Variants in MARCHF1 observed in about 807,000 individuals in gnomAD.
MARCHF1 encodes membrane associated ring-CH-type finger 1, also known as E3 ubiquitin-protein ligase MARCHF1.
In MARCHF1, 40 loss-of-function variants were observed where a neutral mutation model predicts 54.2. The observed-to-expected ratio is 0.74, with a 90% CI of 0.57 to 0.96. The LOEUF is 0.96. MARCHF1 is among the 40% of genes least tolerant of loss of function. The probability of loss-of-function intolerance (pLI) is 0.00; values close to 1 mark genes in which losing one functional copy is unlikely to be tolerated. For missense variants in MARCHF1, 586 were observed against 656.5 expected (o/e 0.89, Z 1.17); for synonymous variants, 236 against 236.3 (o/e 1.00, Z 0.01).
rs540620128 is a variant in MARCHF1, at chr4:164,301,474, A to G, written c.-323+82396T>C. ...AAACACACTGAATTTTACAGGAAGA[A>G]AAAGAAGTTAAAATGTCAACCAAAT... On this transcript the variant is annotated intron_variant, in intron 1 of 9. Coordinates refer to ENST00000514618, the MANE Select transcript of MARCHF1 (RefSeq NM_001394959.1). Among the ~76,000 whole-genome samples, 9 of 152,304 alleles carry G rather than the reference A, an allele frequency of 5.9e-5. 1 individual carries two copies. In the South Asian group the frequency reaches 1.9e-3, roughly 32 times the overall value.
intron 3 of MARCHF1, among the ~76,000 whole-genome samples, chr4:163,900,905 T>C (rs1750925703): frequency 6.6e-6 from 1 of 152,204 alleles, no homozygotes; most frequent in Admixed American, 6.5e-5. Flanking sequence ...ATTAACATTT[T>C]ATATGAAGAA....
Position 164,284,630 on chromosome 4 carries a change from T to C in MARCHF1, c.-323+99240A>G, listed in dbSNP as rs1734102374. Among the ~76,000 whole-genome samples the C allele has an allele frequency of 2.0e-5, 3 of 150,960 alleles. No individual in the cohort carries two copies. In the South Asian group the frequency reaches 6.3e-4, roughly 32 times the overall value. ...AGACACAAAACTAAGAAGAGACTGGTCTTAGTCTTGATTTCTAGGTTGTTC... is the reference window on the plus strand; with the variant it reads ...AGACACAAAACTAAGAAGAGACTGGCCTTAGTCTTGATTTCTAGGTTGTTC... On this transcript the variant is annotated intron_variant, in intron 1 of 9. Transcript: ENST00000514618.
chr4:163,831,688 T>C (rs954605275), intron 4 of MARCHF1, among the ~76,000 whole-genome samples: 4 of 152,124 alleles, frequency 2.6e-5, no homozygotes, highest in Non-Finnish European at 5.9e-5. Context: ...AAAAGCCAAA[T>C]TGCCAAATCA....
chr4:164,055,218 T>G (rs1452199789), intron 2 of MARCHF1: 3 of 152,052 alleles, frequency 2.0e-5, no homozygotes, highest in Non-Finnish European at 2.9e-5. Flanking sequence ...CTGAGGTAGG[T>G]GGATCGCTTG....
intron 4 of MARCHF1, among the ~76,000 whole-genome samples, chr4:163,814,989 A>T (rs1748494697): frequency 6.6e-6 from 1 of 152,204 alleles, no homozygotes; most frequent in African/African-American, 2.4e-5. Context: ...AAATGAAATG[A>T]AAAGGCCATA....
At chr4:164,136,685 G>A (rs1365485493) in intron 1 of MARCHF1, among the ~76,000 whole-genome samples, 2 of 152,260 alleles carry the variant, frequency 1.3e-5, no homozygotes, top group African/African-American at 4.8e-5. Context: ...ACCAGAGGCT[G>A]CAATGCTCCA....
chr4:163,915,127 T>C (rs1164130419), intron 3 of MARCHF1, among the ~76,000 whole-genome samples: 1 of 152,160 alleles, frequency 6.6e-6, no homozygotes, highest in Admixed American at 6.6e-5. Context: ...CCTCTTGCTC[T>C]TATGTAAAGA....
intron 1 of MARCHF1, among the ~76,000 whole-genome samples, chr4:164,298,392 G>C (rs1458083515): frequency 9.2e-5 from 14 of 151,772 alleles, no homozygotes; most frequent in African/African-American, 2.7e-4. Context: ...AAAAACCTAT[G>C]GTCTGAAATC....
chr4:163,880,771 T>C (rs916866883), intron 3 of MARCHF1, among the ~76,000 whole-genome samples: 2 of 152,330 alleles, frequency 1.3e-5, no homozygotes, highest in African/African-American at 4.8e-5. Flanking sequence ...CTATATACTT[T>C]CTAAAAATAA....
At chr4:163,689,750 G>C (rs183209193) in intron 5 of MARCHF1, among the ~76,000 whole-genome samples, 82 of 151,816 alleles carry the variant, frequency 5.4e-4, no homozygotes, top group Non-Finnish European at 9.3e-4. Flanking sequence ...TATCATGTGT[G>C]GGATGAGTAA....
chr4:164,301,774 C>T (rs989968783), intron 1 of MARCHF1, among the ~76,000 whole-genome samples: 1 of 152,130 alleles, frequency 6.6e-6, no homozygotes, highest in Non-Finnish European at 1.5e-5. Context: ...AAGAGTGTAT[C>T]AAAGTGGATG....
chr4:164,103,970 G>A (rs1326060759), intron 2 of MARCHF1, among the ~76,000 whole-genome samples: 1 of 150,744 alleles, frequency 6.6e-6, no homozygotes, highest in Non-Finnish European at 1.5e-5. Context: ...ACTACCATCA[G>A]GGAATACTAC....
intron 4 of MARCHF1, among the ~76,000 whole-genome samples, chr4:163,772,922 A>C (rs1747202159): frequency 6.6e-6 from 1 of 152,150 alleles, no homozygotes; most frequent in Admixed American, 6.6e-5. Context: ...TAGTATATGG[A>C]AGGAGAAGGA....
At chr4:163,998,021 G>C (rs1008812958) in intron 2 of MARCHF1, among the ~76,000 whole-genome samples, 1 of 147,960 alleles carries the variant, frequency 6.8e-6, no homozygotes, top group East Asian at 2.0e-4. Context: ...CTTAATATAG[G>C]TACTAAAAAT....
intron 4 of MARCHF1, among the ~76,000 whole-genome samples, chr4:163,796,060 G>A (rs1747905724): frequency 6.6e-6 from 1 of 151,994 alleles, no homozygotes; most frequent in Admixed American, 6.6e-5. Flanking sequence ...AAGAGGAGGA[G>A]CAAAAAGAGG....
chr4:164,293,859 T>C (rs374111728), intron 1 of MARCHF1, among the ~76,000 whole-genome samples: 10 of 152,312 alleles, frequency 6.6e-5, no homozygotes, highest in East Asian at 1.9e-4. Context: ...CTTGATTGGA[T>C]TGAAGGATGC....
chr4:164,348,014 G>A (rs1049643056), intron 1 of MARCHF1, among the ~76,000 whole-genome samples: 7 of 152,088 alleles, frequency 4.6e-5, no homozygotes, highest in Non-Finnish European at 7.4e-5. Context: ...TGAGAAGGGA[G>A]GGCAGGCAGA....
At chr4:163,652,628 G>A (rs1213614659) in intron 5 of MARCHF1, among the ~76,000 whole-genome samples, 3 of 151,684 alleles carry the variant, frequency 2.0e-5, no homozygotes, top group African/African-American at 4.8e-5. Context: ...GTGCTCTATA[G>A]TACTTATTCT....
chr4:163,719,949 TG>T (rs1034469182), intron 4 of MARCHF1, among the ~76,000 whole-genome samples: 117 of 152,354 alleles, frequency 7.7e-4, no homozygotes, highest in African/African-American at 2.6e-3. Flanking sequence ...ATTAGTAGAT[TG>T]CAAACATTTT....
Sources: allele counts gnomAD v4.1 joint callset (sites outside exome capture counted in the v4.1 genomes callset), GRCh38; gene constraint gnomAD v4.1.1; transcripts MANE v1.5; gene names NCBI Gene and HGNC (gene_info 2026-07-23, HGNC 2026-07-21).